MYT1L: variants seen among roughly 807,000 people sequenced by gnomAD.
The protein encoded by MYT1L is myelin transcription factor 1 like.
In MYT1L, 12 loss-of-function variants were observed where a neutral mutation model predicts 126.7. The ratio of observed to expected loss-of-function variants is 0.09; its 90% confidence interval spans 0.06 to 0.15. The LOEUF is 0.15. Ranked by LOEUF, MYT1L falls within the 10% of genes least tolerant of loss-of-function variation. The pLI, the probability that MYT1L is intolerant of heterozygous loss-of-function variation, is 1.00. For synonymous variants in MYT1L, 541 were observed against 604.2 expected, an observed-to-expected ratio of 0.90 and a Z score of 1.53; for missense variants, 979 against 1,585.2, an observed-to-expected ratio of 0.62 and a Z score of 6.49.
At position 2,228,858 on chromosome 2, in the gene MYT1L, C is replaced by A. The variant is rs2094087013; in HGVS notation, c.-421+55546G>T. On this transcript the variant is annotated intron_variant, in intron 2 of 24. Coordinates refer to ENST00000647738, the MANE Select transcript of MYT1L (RefSeq NM_001303052.2). The surrounding 1 kb of genome is among the most constrained non-coding windows in gnomAD (Gnocchi z 5.9). ...CCAGCCAATACAATAAATTTGTGCT[C>A]AATATTAGCACATATTAACAATCTT... 6.6e-6 allele frequency among the ~76,000 whole-genome samples: 1 copy of A among 152,114 alleles called. No individual in the cohort carries two copies. The highest frequency in any genetic ancestry group is 2.4e-5 in the African/African-American group (1 of 41,482).
At chr2:1,964,886 G>C (rs189096980) in intron 8 of MYT1L, among the ~76,000 whole-genome samples, 2 of 152,232 alleles carry the variant, frequency 1.3e-5, no homozygotes, top group African/African-American at 2.4e-5. Context: ...AGGAGCTTGG[G>C]GTCACGGGCA....
chr2:1,968,517 T>C (rs2059560567), intron 8 of MYT1L, among the ~76,000 whole-genome samples: 1 of 152,212 alleles, frequency 6.6e-6, no homozygotes, highest in South Asian at 2.1e-4. Context: ...TTCACGGCCC[T>C]GCAGAGTGGC....
intron 4 of MYT1L, among the ~76,000 whole-genome samples, chr2:1,998,761 C>G (rs75689023): frequency 6.6e-6 from 1 of 152,156 alleles, no homozygotes; most frequent in African/African-American, 2.4e-5. Context: ...CTCCCCTAAA[C>G]ATTACCATGA....
chr2:2,256,391 A>AT (rs1254678697), intron 2 of MYT1L, among the ~76,000 whole-genome samples: 1 of 152,232 alleles, frequency 6.6e-6, no homozygotes, highest in African/African-American at 2.4e-5. Context: ...GGTGCCACCT[A>AT]TTTTTATAAA....
intron 3 of MYT1L, among the ~76,000 whole-genome samples, chr2:2,169,649 T>G (rs1456748661): frequency 6.6e-6 from 1 of 151,702 alleles, no homozygotes; most frequent in African/African-American, 2.4e-5. Context: ...TAAATTCACA[T>G]GTTTACATTT....
At chr2:2,227,579 G>A (rs2094043923) in intron 2 of MYT1L, among the ~76,000 whole-genome samples, 1 of 152,142 alleles carries the variant, frequency 6.6e-6, no homozygotes, top group Non-Finnish European at 1.5e-5. Context: ...CTCCTGTCCT[G>A]GGCACAGACT....
At chr2:2,032,791 G>T (rs1434604605) in intron 4 of MYT1L, among the ~76,000 whole-genome samples, 4 of 115,066 alleles carry the variant, frequency 3.5e-5, no homozygotes, top group South Asian at 3.5e-4. Context: ...CTAGAAGGAG[G>T]GCCTTACACA....
At position 2,275,204 on chromosome 2, in the gene MYT1L, G is replaced by A. The variant is rs867940529; in HGVS notation, c.-421+9200C>T. On this transcript the variant is annotated intron_variant, in intron 2 of 24. Transcript: ENST00000647738. ...TTTCAAGAAAATATAATAATAAAAT[G>A]TGTGTGTGTGTGTGTGTGTGTGTGT... 7.2e-4 allele frequency among the ~76,000 whole-genome samples: 33 copies of A among 46,148 alleles called. No individual in the cohort carries two copies. The South Asian group carries it at 8.1e-3, about 11-fold the overall frequency. 30.3% of individuals were successfully genotyped at this position (46,148 alleles called of 152,430 possible). A position where few individuals can be genotyped will look rare whatever the true frequency, so the allele number is the denominator to read the frequency against.
intron 5 of MYT1L, among the ~76,000 whole-genome samples, chr2:1,980,333 CAT>C (rs771873170): frequency 6.8e-6 from 1 of 147,644 alleles, no homozygotes; most frequent in Non-Finnish European, 1.5e-5. Flanking sequence ...TACACACACA[CAT>C]ATATATATAA....
chr2:1,803,516 TCAA>T (rs1470938337), intron 22 of MYT1L, among the ~76,000 whole-genome samples: 1 of 152,256 alleles, frequency 6.6e-6, no homozygotes, highest in Non-Finnish European at 1.5e-5. Flanking sequence ...CCAGATCAGG[TCAA>T]CTGTTCTGAC....
At chr2:2,065,809 ATC>A (rs1389887786) in intron 3 of MYT1L, among the ~76,000 whole-genome samples, 1 of 142,774 alleles carries the variant, frequency 7.0e-6, no homozygotes, top group East Asian at 2.1e-4. Context: ...GGGCATATCA[ATC>A]TCTCTCTTTT....
intron 8 of MYT1L, among the ~76,000 whole-genome samples, chr2:1,970,380 G>A (rs2059718532): frequency 6.6e-6 from 1 of 152,194 alleles, no homozygotes; most frequent in Non-Finnish European, 1.5e-5. Context: ...ATAGTCTTCT[G>A]AGCCAGCTTA....
chr2:1,920,295 A>C (rs893364920), intron 10 of MYT1L, among the ~76,000 whole-genome samples: 1 of 152,230 alleles, frequency 6.6e-6, no homozygotes, highest in Non-Finnish European at 1.5e-5. Flanking sequence ...ATTTTCTTGC[A>C]AACAAAACAA....
chr2:2,274,290 T>A (rs1465378488), intron 2 of MYT1L, among the ~76,000 whole-genome samples: 1 of 143,650 alleles, frequency 7.0e-6, no homozygotes, highest in Non-Finnish European at 1.5e-5. Context: ...ATGGAAACTT[T>A]TAAAAAGAAA....
At chr2:1,927,520 G>GC (rs34662784) in intron 9 of MYT1L, among the ~76,000 whole-genome samples, 23,925 of 152,150 alleles carry the variant, frequency 0.16, 2,031 homozygotes, top group East Asian at 0.32. Context: ...TTATATACAG[G>GC]CTTGGCTTCT....
At chr2:1,853,727 T>G (rs896374785) in intron 18 of MYT1L, among the ~76,000 whole-genome samples, 1 of 152,240 alleles carries the variant, frequency 6.6e-6, no homozygotes, top group Non-Finnish European at 1.5e-5. Flanking sequence ...ACATAGTGCA[T>G]GTTTATTTAA....
rs996755542 is a variant in MYT1L at position 2,224,692 on chromosome 2, A to G, written c.-420-51704T>C. On this transcript the variant is annotated intron_variant, in intron 2 of 24. Coordinates refer to ENST00000647738, the MANE Select transcript of MYT1L (RefSeq NM_001303052.2). The surrounding 1 kb of genome is among the most constrained non-coding windows in gnomAD (Gnocchi z 4.0). ...AAATTAGCCAGGTGTGGTGGCGGGC[A>G]CCTGTAGTCCCAGCTACTTGGGAAG... Among the ~76,000 whole-genome samples the G allele has an allele frequency of 2.0e-5, 3 of 151,836 alleles. No homozygotes were observed. The highest frequency in any genetic ancestry group is 2.9e-5 in the Non-Finnish European group (2 of 67,940).
At chr2:1,871,055 C>A (rs1013360476) in intron 18 of MYT1L, among the ~76,000 whole-genome samples, 1 of 152,174 alleles carries the variant, frequency 6.6e-6, no homozygotes, top group African/African-American at 2.4e-5. Flanking sequence ...AGGAAAGGGA[C>A]AGGAAATGCA....
At chr2:2,298,686 G>A (rs2095737119) in intron 1 of MYT1L, among the ~76,000 whole-genome samples, 1 of 152,148 alleles carries the variant, frequency 6.6e-6, no homozygotes, top group Non-Finnish European at 1.5e-5. Context: ...ACAAGTCCCT[G>A]TGCCACCAGC....
Sources: gnomAD v4.1 joint callset for allele counts (sites outside exome capture counted in the v4.1 genomes callset) on GRCh38, gnomAD v4.1.1 for gene constraint, Gnocchi (gnomAD v3.1) non-coding constraint, MANE v1.5 for transcripts, NCBI Gene and HGNC (gene_info 2026-07-23, HGNC 2026-07-21) for gene names.